The following LRRC53 variants were observed in gnomAD, a reference collection of about 807,000 sequenced individuals.
LRRC53 encodes leucine-rich repeat-containing protein 53.
Under a neutral mutation model 13.6 loss-of-function variants are expected in LRRC53, and 25 were observed. The ratio of observed to expected loss-of-function variants is 1.83; its 90% CI spans 1.34 to 2.56. The LOEUF is 2.56. LRRC53 is among the 30% of genes most tolerant of loss of function. The pLI is 0.00. For synonymous variants in LRRC53, 204 were observed against 109.8 expected, an observed-to-expected ratio of 1.86 and a Z score of -5.37; for missense variants, 527 against 275.8, an observed-to-expected ratio of 1.91 and a Z score of -6.45.
intron 3 of LRRC53, among the ~76,000 whole-genome samples, chr1:74,477,738 T>C (rs1460479314): frequency 6.6e-6 from 1 of 152,182 alleles, no homozygotes; most frequent in Non-Finnish European, 1.5e-5. Flanking sequence ...TTTCCATTAG[T>C]GCAGAAAGCA....
At chr1:74,491,154 C>G (rs1171797533) in intron 1 of LRRC53, among the ~76,000 whole-genome samples, 1 of 152,062 alleles carries the variant, frequency 6.6e-6, no homozygotes, top group East Asian at 1.9e-4. Flanking sequence ...AACATGAAAA[C>G]CGGTTGAAGG....
At chr1:74,504,239 T>C (rs1016761284) in intron 1 of LRRC53, among the ~76,000 whole-genome samples, 1 of 152,224 alleles carries the variant, frequency 6.6e-6, no homozygotes, top group Non-Finnish European at 1.5e-5. Flanking sequence ...GTGATAGGGC[T>C]CTATGTTAAG....
upstream of LRRC53, among the ~76,000 whole-genome samples, chr1:74,516,805 A>G (rs1163760693): frequency 1.3e-5 from 2 of 152,198 alleles, no homozygotes; most frequent in African/African-American, 4.8e-5. Context: ...TATTATAACA[A>G]GTTAAGGCAG....
At position 74,480,779 on chromosome 1, in the gene LRRC53, A is replaced by G; in HGVS notation, c.278T>C (p.Ile93Thr). 1 of 717,530 alleles carries G rather than the reference A, an allele frequency of 1.4e-6. No homozygotes were observed. The highest frequency in any genetic ancestry group is 2.6e-6 in the Non-Finnish European group (1 of 385,094). The allele number at this position is 717,530 out of a possible 1,614,324, so 44.4% of individuals were successfully genotyped here. A position where few individuals can be genotyped will look rare whatever the true frequency, so the allele number is the denominator to read the frequency against. The change falls in exon 3 of 5, where the codon ATA (isoleucine) becomes ACA (threonine). Residue 93 changes from isoleucine to threonine, a missense_variant. Physicochemically the swap from Ile to Thr is moderately conservative, Grantham distance 89 (BLOSUM62 -1). Transcript: ENST00000294635. ...GTGATCAGTGAGCGAAGAGCTGGATATTTGGTTGTGCTCCAGCAACAAGGT... is the reference window on the plus strand; with the variant it reads ...GTGATCAGTGAGCGAAGAGCTGGATGTTTGGTTGTGCTCCAGCAACAAGGT... ...LRTLLLEHNQ[I>T]SSSSLTDHTF...
At chr1:74,535,694 GC>G in the LRRC53 span, among the ~76,000 whole-genome samples, 1 of 152,194 alleles carries the variant, frequency 6.6e-6, no homozygotes, top group Non-Finnish European at 1.5e-5. Context: ...AGGAAATGCA[GC>G]ATTTTGTTTT....
chr1:74,526,964 G>A, the LRRC53 span, among the ~76,000 whole-genome samples: 1 of 152,172 alleles, frequency 6.6e-6, no homozygotes, highest in African/African-American at 2.4e-5. Flanking sequence ...TTGAGTAGTT[G>A]CAAGAGACCA....
intron 4 of LRRC53, among the ~76,000 whole-genome samples, chr1:74,473,716 G>A (rs1202814780): frequency 6.6e-6 from 1 of 152,046 alleles, no homozygotes; most frequent in Non-Finnish European, 1.5e-5. Flanking sequence ...CATTCTGGGT[G>A]ACCTTGGAGA....
In LRRC53 at chr1:74,480,302, G is replaced by A. The variant is rs1189886424; in HGVS notation, c.755C>T (p.Thr252Ile). The A allele has an allele frequency of 2.8e-6, 2 of 717,636 alleles. No individual in the cohort carries two copies. The highest frequency in any genetic ancestry group is 2.0e-5 in the Admixed American group (1 of 50,008). The allele number at this position is 717,636 out of a possible 1,614,324, so 44.5% of individuals were successfully genotyped here. A position where few individuals can be genotyped will look rare whatever the true frequency, so the allele number is the denominator to read the frequency against. The change falls in exon 3 of 5, where the codon ACC becomes ATC. Residue 252 changes from threonine to isoleucine, a missense_variant. Coordinates refer to ENST00000294635, the MANE Select transcript of LRRC53 (RefSeq NM_001382280.1). ...ACTCTGTGCAGCTGCCACAGCTGCG[G>A]TAGATGGCTGGCAATTTAGGTCCTT... is the stretch of plus-strand genomic sequence containing the variant. The part of the protein sequence containing the change: ...NAKDLNCQPS[T>I]AAVAAAQSVL...
the LRRC53 span, among the ~76,000 whole-genome samples, chr1:74,518,267 T>A: frequency 6.6e-6 from 1 of 152,210 alleles, no homozygotes; most frequent in East Asian, 1.9e-4. Context: ...GCTAGAAGAA[T>A]CATTAGGTCA....
At chr1:74,534,760 G>T in the LRRC53 span, among the ~76,000 whole-genome samples, 2 of 152,074 alleles carry the variant, frequency 1.3e-5, no homozygotes, top group South Asian at 4.1e-4. Flanking sequence ...TTGTTTAGCA[G>T]TTCTGGATTT....
intron 2 of LRRC53, among the ~76,000 whole-genome samples, chr1:74,481,201 A>C (rs1486830252): frequency 6.6e-6 from 1 of 152,208 alleles, no homozygotes; most frequent in Non-Finnish European, 1.5e-5. Flanking sequence ...TTTGTTTGAG[A>C]AACATAAACC....
At chr1:74,488,483 T>A (rs966139826) in intron 1 of LRRC53, among the ~76,000 whole-genome samples, 1 of 152,170 alleles carries the variant, frequency 6.6e-6, no homozygotes, top group African/African-American at 2.4e-5. Context: ...GGGTGTATAG[T>A]TTTAGGATCT....
At chr1:74,472,830 A>G (rs1668004059) in intron 4 of LRRC53, among the ~76,000 whole-genome samples, 1 of 152,172 alleles carries the variant, frequency 6.6e-6, no homozygotes, top group Admixed American at 6.6e-5. Flanking sequence ...AAAATGGTAC[A>G]GATTAATATA....
chr1:74,518,130 G>C, the LRRC53 span, among the ~76,000 whole-genome samples: 1 of 152,164 alleles, frequency 6.6e-6, no homozygotes, highest in African/African-American at 2.4e-5. Flanking sequence ...GGTAAGTCAA[G>C]AAGAAGCAAA....
intron 1 of LRRC53, among the ~76,000 whole-genome samples, chr1:74,484,699 T>G (rs934139616): frequency 6.6e-6 from 1 of 151,812 alleles, no homozygotes; most frequent in East Asian, 1.9e-4. Flanking sequence ...CAGAGTGGAG[T>G]GTGTAAGAGG....
At chr1:74,529,542 G>A in the LRRC53 span, among the ~76,000 whole-genome samples, 9 of 152,304 alleles carry the variant, frequency 5.9e-5, no homozygotes, top group South Asian at 2.1e-4. Flanking sequence ...TATAAAAAGC[G>A]TTATTGAGAT....
chr1:74,472,650 T>A (rs1310423655), intron 4 of LRRC53, among the ~76,000 whole-genome samples: 1 of 152,040 alleles, frequency 6.6e-6, no homozygotes, highest in Non-Finnish European at 1.5e-5. Flanking sequence ...AGATAATAAT[T>A]TGACAATGAA....
Position 74,483,386 on chromosome 1 carries a change from A to G in LRRC53, c.-26-11T>C. 1 of 716,966 alleles carries G rather than the reference A, an allele frequency of 1.4e-6. No individual in the cohort carries two copies. The highest frequency in any genetic ancestry group is 2.0e-5 in the Admixed American group (1 of 50,002). 44.4% of individuals were successfully genotyped at this position (716,966 alleles called of 1,614,324 possible). ...GTACCAGCCATCCACCTGAAAGGAA[A>G]GTAGAGGGCAATGTATATCATAATG... is the stretch of plus-strand genomic sequence containing the variant. On this transcript the variant is annotated splice_polypyrimidine_tract_variant and intron_variant, in intron 1 of 4. Coordinates refer to ENST00000294635, the MANE Select transcript of LRRC53 (RefSeq NM_001382280.1).
chr1:74,521,463 C>T, the LRRC53 span, among the ~76,000 whole-genome samples: 1 of 128,080 alleles, frequency 7.8e-6, no homozygotes, highest in Non-Finnish European at 1.9e-5. Context: ...AAATCCTTAC[C>T]TTATCTCTCT....
Sources: gnomAD v4.1 joint callset for allele counts (sites outside exome capture counted in the v4.1 genomes callset) on GRCh38, gnomAD v4.1.1 for gene constraint, MANE v1.5 for transcripts, NCBI Gene and HGNC (gene_info 2026-07-23, HGNC 2026-07-21) for gene names.